ABL1: variants seen among roughly 807,000 people sequenced by gnomAD.
ABL1 encodes ABL proto-oncogene 1, non-receptor tyrosine kinase, also known as tyrosine-protein kinase ABL1.
In ABL1, 11 loss-of-function variants were observed where a neutral mutation model predicts 94.7. That is an observed-to-expected ratio of 0.12 (90% CI 0.07 to 0.19). The LOEUF is 0.19. Among genes scored for constraint, ABL1 ranks in the 10% least tolerant of loss-of-function variants. ABL1 has a pLI of 1.00. For missense variants in ABL1, 1,082 were observed against 1,489.4 expected (o/e 0.73, Z 4.50); for synonymous variants, 656 against 622.4 (o/e 1.05, Z -0.80).
chr9:130,731,748 A>G (rs1051369486), intron 1 of ABL1, among the ~76,000 whole-genome samples: 1 of 152,084 alleles, frequency 6.6e-6, no homozygotes, highest in Non-Finnish European at 1.5e-5. Flanking sequence ...TTGTATTTCC[A>G]TATACATTTT....
At chr9:130,875,235 G>T in intron 7 of ABL1, among the ~76,000 whole-genome samples, 183 bp downstream of exon 7, 1 of 152,102 alleles carries the variant, frequency 6.6e-6, no homozygotes, top group Middle Eastern at 3.4e-3. Context: ...TCTCCCTCCC[G>T]GGTTCAAGCG....
chr9:130,721,447 G>A (rs1831512767), intron 1 of ABL1, among the ~76,000 whole-genome samples: 1 of 152,108 alleles, frequency 6.6e-6, no homozygotes, highest in South Asian at 2.1e-4. Flanking sequence ...GGTGGCTCAT[G>A]CCTGTAATCC....
intron 1 of ABL1, among the ~76,000 whole-genome samples, chr9:130,807,767 G>A (rs1281623993): frequency 2.2e-5 from 3 of 137,066 alleles, no homozygotes; most frequent in Non-Finnish European, 4.6e-5. Flanking sequence ...GTGCGATCTC[G>A]GCTCACCGCA....
At position 130,885,988 on chromosome 9, in the gene ABL1, C is replaced by T; in HGVS notation, c.*305C>T. ...GCCAGCCCCGCTCCCACCTAGTGCC[C>T]CAGACTGAGCTCTCCAGGCCAGGTG... On this transcript the variant is annotated 3_prime_UTR_variant, in exon 11 of 11. Coordinates refer to ENST00000318560, the MANE Select transcript of ABL1 (RefSeq NM_005157.6). 2.4e-6 allele frequency: 1 copy of T among 408,912 alleles called. No homozygotes were observed. The highest frequency in any genetic ancestry group is 4.4e-6 in the Non-Finnish European group (1 of 226,560). 25.3% of individuals were successfully genotyped at this position (408,912 alleles called of 1,614,324 possible).
At chr9:130,839,574 A>G (rs959579891) in intron 1 of ABL1, among the ~76,000 whole-genome samples, 1 of 152,206 alleles carries the variant, frequency 6.6e-6, no homozygotes, top group Non-Finnish European at 1.5e-5. Context: ...TGAGGTTTCT[A>G]GAAAAGAGGA....
Position 130,763,064 on chromosome 9 carries a change from G to A in ABL1, c.136+48609G>A, listed in dbSNP as rs114065579. Among the ~76,000 whole-genome samples, 1,099 of 152,176 alleles carry A rather than the reference G, an allele frequency of 7.2e-3. 21 individuals carry two copies. The highest frequency in any genetic ancestry group is 0.026 in the African/African-American group (1,070 of 41,520). ...AAGATCTGGCCTAGGTCCCAGCATC[G>A]CTTCATGTATCATTGGCCCATCTTT... On this transcript the variant is annotated intron_variant, in intron 1 of 10. Transcript: ENST00000372348.
intron 1 of ABL1, among the ~76,000 whole-genome samples, chr9:130,798,443 G>C (rs1360806715): frequency 6.6e-6 from 1 of 152,202 alleles, no homozygotes; most frequent in Non-Finnish European, 1.5e-5. Context: ...TTCCTATGAA[G>C]TTAATCTAAC....
intron 1 of ABL1, among the ~76,000 whole-genome samples, chr9:130,821,453 C>T (rs1031894612): frequency 1.3e-5 from 2 of 152,080 alleles, no homozygotes; most frequent in African/African-American, 2.4e-5. Context: ...TATTATAGCA[C>T]GTCTCAGTAC....
intron 1 of ABL1, among the ~76,000 whole-genome samples, chr9:130,810,112 A>G (rs547952976): frequency 6.6e-6 from 1 of 152,352 alleles, no homozygotes; most frequent in South Asian, 2.1e-4. Context: ...GACAGATTAT[A>G]TAAGTAGTAC....
chr9:130,876,678 C>A (rs1437619173), intron 7 of ABL1, among the ~76,000 whole-genome samples: 1 of 151,552 alleles, frequency 6.6e-6, no homozygotes, highest in Non-Finnish European at 1.5e-5. Flanking sequence ...GCCTTGGCCT[C>A]CCAAAGTGCT....
intron 1 of ABL1, among the ~76,000 whole-genome samples, chr9:130,736,874 A>G (rs1404486108): frequency 6.6e-6 from 1 of 152,190 alleles, no homozygotes; most frequent in Non-Finnish European, 1.5e-5. Context: ...TGTGGCAGAT[A>G]TTTAAATAGG....
At chr9:130,875,609 T>G (rs1414616076) in intron 7 of ABL1, among the ~76,000 whole-genome samples, 6 of 152,142 alleles carry the variant, frequency 3.9e-5, no homozygotes, top group Non-Finnish European at 7.3e-5. Flanking sequence ...CGTTCTGGGT[T>G]TTGCTCATTG....
intron 1 of ABL1, among the ~76,000 whole-genome samples, chr9:130,756,508 C>T (rs886514567): frequency 2.6e-5 from 4 of 152,056 alleles, no homozygotes; most frequent in Non-Finnish European, 4.4e-5. Context: ...TATTTTTCGG[C>T]GTTGCTATAT....
chr9:130,808,247 C>CTTCTTCTT (rs1225434564), intron 1 of ABL1, among the ~76,000 whole-genome samples: 5 of 95,082 alleles, frequency 5.3e-5, no homozygotes, highest in African/African-American at 2.3e-4. Flanking sequence ...TCTTCTTCTT[C>CTTCTTCTT]TTTTTTTTTT....
chr9:130,796,610 A>C (rs1186353827), intron 1 of ABL1, among the ~76,000 whole-genome samples: 1 of 152,112 alleles, frequency 6.6e-6, no homozygotes, highest in African/African-American at 2.4e-5. Context: ...GGCCTTTAAA[A>C]AAAGACTCTT....
At chr9:130,769,513 A>T (rs1034322881) in intron 1 of ABL1, among the ~76,000 whole-genome samples, 4 of 151,532 alleles carry the variant, frequency 2.6e-5, no homozygotes, top group African/African-American at 9.7e-5. Flanking sequence ...GTATATATAT[A>T]TTTTAAGTAC....
In ABL1 at chr9:130,872,066, A is replaced by G. The variant is rs1831259278; in HGVS notation, c.823-63A>G. Reference sequence around the variant, plus strand: ...AGCTCCATTTTGCATTAACTAGTCAAGTACTTACCCACTGAAAAGCACTTC... The same window carrying G: ...AGCTCCATTTTGCATTAACTAGTCAGGTACTTACCCACTGAAAAGCACTTC... On this transcript the variant is annotated intron_variant, in intron 4 of 10. Transcript: ENST00000318560. The surrounding 1 kb of genome is among the most constrained non-coding windows in gnomAD (Gnocchi z 5.0). 5 of 1,486,986 alleles carry G rather than the reference A, an allele frequency of 3.4e-6. No homozygotes were observed. The highest frequency in any genetic ancestry group is 9.3e-7 in the Non-Finnish European group (1 of 1,070,492). The allele number at this position is 1,486,986 out of a possible 1,614,324, so 92.1% of individuals were successfully genotyped here.
intron 1 of ABL1, among the ~76,000 whole-genome samples, chr9:130,813,561 C>CAAAAAAAAAAAAAAAAAAAAAAAAAAAA (rs57194587): frequency 1.6e-5 from 1 of 60,642 alleles, no homozygotes; most frequent in Non-Finnish European, 3.2e-5. Flanking sequence ...ACTCCATCTC[C>CAAAAAAAAAAAAAAAAAAAAAAAAAAAA]AAAAAAAAAA....
chr9:130,772,178 C>T (rs1469801132), intron 1 of ABL1, among the ~76,000 whole-genome samples: 1 of 152,206 alleles, frequency 6.6e-6, no homozygotes, highest in Non-Finnish European at 1.5e-5. Flanking sequence ...ATGGATACTT[C>T]TAAGCAGTTG....
Sources: gnomAD v4.1 joint callset for allele counts (sites outside exome capture counted in the v4.1 genomes callset) on GRCh38, gnomAD v4.1.1 for gene constraint, Gnocchi (gnomAD v3.1) non-coding constraint, MANE v1.5 for transcripts, NCBI Gene and HGNC (gene_info 2026-07-23, HGNC 2026-07-21) for gene names.